SPATA31H1: variants seen among roughly 807,000 people sequenced by gnomAD.
SPATA31H1 encodes SPATA31 subfamily H member 1.
chr2:27,550,476 T>G, the SPATA31H1 span, among the ~76,000 whole-genome samples: 2 of 144,068 alleles, frequency 1.4e-5, no homozygotes, highest in Non-Finnish European at 3.0e-5. Flanking sequence ...TGGAGTGCAG[T>G]GGTGCAATCT....
chr2:27,579,903 G>T, the SPATA31H1 span: 1 of 1,614,044 alleles, frequency 6.2e-7, no homozygotes, highest in African/African-American at 1.3e-5. Flanking sequence ...TCCACCTCTA[G>T]CTTCAGGTCT....
At chr2:27,549,788 GA>G in the SPATA31H1 span, among the ~76,000 whole-genome samples, 1 of 151,866 alleles carries the variant, frequency 6.6e-6, no homozygotes. Flanking sequence ...CAACCTGGGT[GA>G]CAGAGCAAGA....
At chr2:27,539,670 T>C in the SPATA31H1 span, among the ~76,000 whole-genome samples, 8 of 90,406 alleles carry the variant, frequency 8.8e-5, no homozygotes, top group Non-Finnish European at 1.1e-4. Context: ...GCAGAGGGGC[T>C]CCTCACTTCC....
At chr2:27,567,597 A>G in the SPATA31H1 span, 1 of 402,932 alleles carries the variant, frequency 2.5e-6, no homozygotes, top group Non-Finnish European at 4.4e-6. Flanking sequence ...TGGCCCTCAA[A>G]TCCTTGGATT....
chr2:27,565,832 T>C, the SPATA31H1 span, among the ~76,000 whole-genome samples: 16 of 152,228 alleles, frequency 1.1e-4, no homozygotes, highest in Non-Finnish European at 1.9e-4. Context: ...CCAAAGTATA[T>C]AGCTTACATC....
the SPATA31H1 span, chr2:27,577,475 C>T: frequency 6.2e-7 from 1 of 1,614,078 alleles, no homozygotes; most frequent in Non-Finnish European, 8.5e-7. This position sits in a 1 kb window ranked among gnomAD's most constrained non-coding sequence, Gnocchi z 4.5. Flanking sequence ...CAAGTCAAGC[C>T]ACTGGATTTG....
the SPATA31H1 span, chr2:27,576,729 C>G: frequency 6.2e-7 from 1 of 1,614,008 alleles, no homozygotes; most frequent in African/African-American, 1.3e-5. Context: ...AAATTTGTCT[C>G]CAGAATCACA....
At chr2:27,573,856 A>C in the SPATA31H1 span, 4 of 398,360 alleles carry the variant, frequency 1.0e-5, no homozygotes, top group Non-Finnish European at 1.8e-5. Flanking sequence ...GTAGCGCTGA[A>C]CTCCTTACTA....
the SPATA31H1 span, among the ~76,000 whole-genome samples, chr2:27,561,095 C>A: frequency 1.3e-5 from 2 of 152,136 alleles, no homozygotes; most frequent in African/African-American, 4.8e-5. Context: ...CTTCAGGAGA[C>A]CAAGAAGGGT....
At chr2:27,575,225 C>A in the SPATA31H1 span, 1 of 398,376 alleles carries the variant, frequency 2.5e-6, no homozygotes, top group East Asian at 3.6e-5. The surrounding 1 kb of genome is among the most constrained non-coding windows in gnomAD (Gnocchi z 4.1). Flanking sequence ...CTAAGTTGGC[C>A]TTGGAATCAA....
the SPATA31H1 span, chr2:27,570,744 G>C: frequency 2.5e-6 from 1 of 398,992 alleles, no homozygotes; most frequent in Non-Finnish European, 4.4e-6. Flanking sequence ...TCCAGGGCCA[G>C]AGGGGGAAGG....
At chr2:27,537,417 G>A in the SPATA31H1 span, 1 of 717,110 alleles carries the variant, frequency 1.4e-6, no homozygotes, top group South Asian at 1.5e-5. Context: ...GAAGAGCATG[G>A]GGTTGAGAAA....
At chr2:27,540,342 G>A in the SPATA31H1 span, among the ~76,000 whole-genome samples, 5 of 121,816 alleles carry the variant, frequency 4.1e-5, no homozygotes, top group African/African-American at 1.6e-4. Flanking sequence ...CAGTAGGGGC[G>A]GCCGGGCAGA....
chr2:27,575,972 C>A, the SPATA31H1 span: 1 of 398,570 alleles, frequency 2.5e-6, no homozygotes, highest in South Asian at 1.3e-4. This position sits in a 1 kb window ranked among gnomAD's most constrained non-coding sequence, Gnocchi z 4.1. Flanking sequence ...CTATGATGTT[C>A]AACCCTATAC....
At chr2:27,546,925 C>G in the SPATA31H1 span, among the ~76,000 whole-genome samples, 1 of 152,022 alleles carries the variant, frequency 6.6e-6, no homozygotes, top group Non-Finnish European at 1.5e-5. Context: ...ACTTTCACGA[C>G]TCTTTCTCAC....
chr2:27,559,917 G>C, the SPATA31H1 span, among the ~76,000 whole-genome samples: 4 of 151,614 alleles, frequency 2.6e-5, no homozygotes, highest in African/African-American at 4.9e-5. Context: ...GCCCAGGCTG[G>C]AGGGCAGTGG....
At chr2:27,575,430 T>G in the SPATA31H1 span, 3 of 398,546 alleles carry the variant, frequency 7.5e-6, no homozygotes, top group Non-Finnish European at 1.3e-5. This position sits in a 1 kb window ranked among gnomAD's most constrained non-coding sequence, Gnocchi z 4.1. Context: ...ATCTATGAAA[T>G]TCAATCTTCA....
the SPATA31H1 span, among the ~76,000 whole-genome samples, chr2:27,555,401 A>T: frequency 6.6e-6 from 1 of 151,868 alleles, no homozygotes; most frequent in Non-Finnish European, 1.5e-5. Flanking sequence ...GCCATGTGCT[A>T]TGGTTCATGC....
chr2:27,566,294 C>G, the SPATA31H1 span: 4 of 717,262 alleles, frequency 5.6e-6, no homozygotes, highest in South Asian at 5.9e-5. Context: ...TCCAGTGTTT[C>G]AGAACTCCCT....
Sources: gnomAD v4.1 joint callset for allele counts (sites outside exome capture counted in the v4.1 genomes callset) on GRCh38, gnomAD v4.1.1 for gene constraint, Gnocchi (gnomAD v3.1) non-coding constraint, MANE v1.5 for transcripts, NCBI Gene and HGNC (gene_info 2026-07-23, HGNC 2026-07-21) for gene names.